Variants in TOX2 observed in about 807,000 individuals in gnomAD.
TOX2 encodes the protein TOX high mobility group box family member 2.
TOX2 carries 15 observed loss-of-function variants against 47.4 expected under a neutral mutation model. That is an observed-to-expected ratio of 0.32 (90% CI 0.21 to 0.49). The LOEUF (loss-of-function observed/expected upper bound fraction) is 0.49, where lower values mean the gene tolerates loss of function less well. Ranked by LOEUF, TOX2 falls within the 20% of genes least tolerant of loss-of-function variation. The pLI is 0.99. For missense variants in TOX2, 622 were observed against 673.1 expected (o/e 0.92, Z 0.84); for synonymous variants, 290 against 296.6 (o/e 0.98, Z 0.23).
intron 3 of TOX2, among the ~76,000 whole-genome samples, chr20:44,042,161 G>A (rs372976857): frequency 1.8e-4 from 27 of 152,320 alleles, no homozygotes; most frequent in Middle Eastern, 6.8e-3. Flanking sequence ...CACGTCTTAC[G>A]TGGCGGCAGA....
intron 2 of TOX2, among the ~76,000 whole-genome samples, chr20:44,004,881 T>G (rs567788201): frequency 6.6e-6 from 1 of 152,344 alleles, no homozygotes; most frequent in African/African-American, 2.4e-5. Flanking sequence ...ATTTCTTGAT[T>G]GATTTAAGAT....
chr20:44,063,814 A>C (rs1347818722), intron 5 of TOX2, among the ~76,000 whole-genome samples: 1 of 151,766 alleles, frequency 6.6e-6, no homozygotes, highest in Non-Finnish European at 1.5e-5. Context: ...AAACACCATG[A>C]AATACTACTC....
chr20:43,968,174 A>C (rs191502246), intron 1 of TOX2, among the ~76,000 whole-genome samples: 1 of 152,220 alleles, frequency 6.6e-6, no homozygotes, highest in African/African-American at 2.4e-5. Context: ...CCATCTGCCC[A>C]TCCATCCATC....
intron 3 of TOX2, among the ~76,000 whole-genome samples, chr20:44,007,822 A>G (rs2070713571): frequency 6.6e-6 from 1 of 152,148 alleles, no homozygotes; most frequent in African/African-American, 2.4e-5. Flanking sequence ...CAACAGGAAG[A>G]AACATCATAT....
chr20:43,998,721 A>ATCCATCTG (rs1555837872), intron 2 of TOX2, among the ~76,000 whole-genome samples: 2,458 of 26,868 alleles, frequency 0.091, 37 homozygotes, highest in Middle Eastern at 0.17. Context: ...GGCCTGATAC[A>ATCCATCTG]TCTATCTATC....
At chr20:44,005,130 T>G (rs2145596497) in intron 2 of TOX2, among the ~76,000 whole-genome samples, 1 of 152,324 alleles carries the variant, frequency 6.6e-6, no homozygotes. Flanking sequence ...ACATTTACCT[T>G]TATATTTACC....
At chr20:43,977,577 A>G (rs544332489) in intron 2 of TOX2, among the ~76,000 whole-genome samples, 24 of 152,152 alleles carry the variant, frequency 1.6e-4, no homozygotes, top group Middle Eastern at 3.4e-3. Flanking sequence ...ACGGGCTTGA[A>G]GTGTTTTTTT....
chr20:44,058,092 TACTAGGAA>T (rs1285952426), intron 5 of TOX2, among the ~76,000 whole-genome samples: 1 of 150,652 alleles, frequency 6.6e-6, no homozygotes, highest in Non-Finnish European at 1.5e-5. Context: ...CACAGGAACA[TACTAGGAA>T]AGCCAAAAGA....
At chr20:44,058,655 C>CTACT (rs2071665081) in intron 5 of TOX2, among the ~76,000 whole-genome samples, 1 of 152,226 alleles carries the variant, frequency 6.6e-6, no homozygotes, top group South Asian at 2.1e-4. Flanking sequence ...CACTCCCCTG[C>CTACT]TACTTCCACT....
At chr20:43,993,517 C>T (rs967951244) in intron 2 of TOX2, among the ~76,000 whole-genome samples, 4 of 151,934 alleles carry the variant, frequency 2.6e-5, no homozygotes, top group Non-Finnish European at 5.9e-5. Flanking sequence ...CTTGAGCCAC[C>T]GGTAGAGGAA....
At chr20:43,963,973 A>C (rs1406991894) in intron 1 of TOX2, among the ~76,000 whole-genome samples, 1 of 152,130 alleles carries the variant, frequency 6.6e-6, no homozygotes, top group East Asian at 1.9e-4. Context: ...AGAAATAGCT[A>C]ACAATGATTG....
chr20:44,046,513 G>T (rs1342949221), intron 3 of TOX2, among the ~76,000 whole-genome samples: 3 of 152,290 alleles, frequency 2.0e-5, no homozygotes, highest in Middle Eastern at 3.4e-3. Flanking sequence ...GTGCACCCAC[G>T]TTCCTAGCAG....
chr20:44,025,030 C>T (rs191394927), intron 3 of TOX2, among the ~76,000 whole-genome samples: 2 of 152,236 alleles, frequency 1.3e-5, no homozygotes, highest in East Asian at 1.9e-4. Flanking sequence ...GATAACATTC[C>T]ATCATATGGG....
intron 3 of TOX2, among the ~76,000 whole-genome samples, chr20:44,032,949 TAACTC>T (rs2071180581): frequency 1.3e-5 from 2 of 152,218 alleles, no homozygotes; most frequent in Non-Finnish European, 2.9e-5. Flanking sequence ...GTCTGACTCT[TAACTC>T]AATAATTAAA....
chr20:43,990,487 G>T (rs912904739), intron 2 of TOX2, among the ~76,000 whole-genome samples: 2 of 152,202 alleles, frequency 1.3e-5, no homozygotes, highest in Admixed American at 6.5e-5. Flanking sequence ...GGCCCCATTT[G>T]TGGTGCCACC....
intron 2 of TOX2, among the ~76,000 whole-genome samples, chr20:43,993,910 C>T (rs117287737): frequency 0.021 from 3,152 of 152,154 alleles, 67 homozygotes; most frequent in Non-Finnish European, 0.031. Flanking sequence ...CCCAGCACTT[C>T]GGAATGGAAA....
intron 1 of TOX2, among the ~76,000 whole-genome samples, chr20:43,933,308 G>T (rs1000945947): frequency 6.6e-6 from 1 of 152,254 alleles, no homozygotes; most frequent in Non-Finnish European, 1.5e-5. Context: ...AGAGTGGTTG[G>T]TGTGGTTAAT....
chr20:43,979,633 T>C (rs6017234), intron 2 of TOX2, among the ~76,000 whole-genome samples: 54,165 of 151,968 alleles, frequency 0.36, 11,566 homozygotes, highest in African/African-American at 0.58. Flanking sequence ...AACTACCTGA[T>C]GAGATTAGTA....
intron 8 of TOX2, among the ~76,000 whole-genome samples, chr20:44,067,062 C>T (rs2071836803): frequency 6.6e-6 from 1 of 152,192 alleles, no homozygotes; most frequent in Non-Finnish European, 1.5e-5. Flanking sequence ...CTGAGGCCTG[C>T]TTGGGAAACT....
Sources: allele counts gnomAD v4.1 joint callset (sites outside exome capture counted in the v4.1 genomes callset), GRCh38; gene constraint gnomAD v4.1.1; transcripts MANE v1.5; gene names NCBI Gene and HGNC (gene_info 2026-07-23, HGNC 2026-07-21).